HTR1E: variants seen among roughly 807,000 people sequenced by gnomAD.
HTR1E encodes the protein 5-hydroxytryptamine receptor 1E, also known as 5-HT-1E.
Under a neutral mutation model 3.4 loss-of-function variants are expected in HTR1E, and 3 were observed. The observed-to-expected ratio is 0.89, with a 90% CI of 0.41 to 2.31. The LOEUF is 2.31. Among genes scored for constraint, HTR1E ranks in the 30% most tolerant of loss-of-function variants. The probability of loss-of-function intolerance (pLI) is 0.05; values close to 1 mark genes in which losing one functional copy is unlikely to be tolerated. For synonymous variants in HTR1E, 170 were observed against 182.8 expected, an observed-to-expected ratio of 0.93 and a Z score of 0.56; for missense variants, 392 against 467.0, an observed-to-expected ratio of 0.84 and a Z score of 1.48.
chr6:86,949,642 A>T (rs948157047), intron 1 of HTR1E, among the ~76,000 whole-genome samples: 24 of 152,172 alleles, frequency 1.6e-4, no homozygotes, highest in African/African-American at 5.5e-4. Context: ...TACTAGCAAT[A>T]ACCAGATGCT....
At chr6:86,976,768 G>A (rs1767645035) in intron 1 of HTR1E, among the ~76,000 whole-genome samples, 1 of 152,178 alleles carries the variant, frequency 6.6e-6, no homozygotes. Context: ...CTTGTCTAAT[G>A]CTAGGATCTT....
chr6:86,974,763 G>A (rs1767606169), intron 1 of HTR1E, among the ~76,000 whole-genome samples: 2 of 152,082 alleles, frequency 1.3e-5, no homozygotes, highest in South Asian at 4.1e-4. Flanking sequence ...TCTTTTGTCA[G>A]TATGGACTCA....
chr6:86,946,535 A>T (rs545576587), intron 1 of HTR1E, among the ~76,000 whole-genome samples: 2 of 152,238 alleles, frequency 1.3e-5, no homozygotes, highest in South Asian at 4.1e-4. Flanking sequence ...TGTATGATGC[A>T]TGGCTATATA....
At chr6:86,967,199 G>A (rs1767483084) in intron 1 of HTR1E, among the ~76,000 whole-genome samples, 1 of 151,856 alleles carries the variant, frequency 6.6e-6, no homozygotes, top group African/African-American at 2.4e-5. Flanking sequence ...AAAAGCAAAG[G>A]CAAGGGAAAA....
intron 1 of HTR1E, among the ~76,000 whole-genome samples, chr6:87,002,208 G>T (rs1007482488): frequency 6.6e-6 from 1 of 152,186 alleles, no homozygotes; most frequent in Non-Finnish European, 1.5e-5. Flanking sequence ...AAGATGGTGT[G>T]TCCGGAGTTT....
chr6:86,947,059 T>C (rs545560583), intron 1 of HTR1E, among the ~76,000 whole-genome samples: 20 of 151,900 alleles, frequency 1.3e-4, no homozygotes, highest in Admixed American at 4.6e-4. Flanking sequence ...GAGGTTGTGG[T>C]GAGCCGAGAT....
At chr6:86,991,842 G>A (rs1335645145) in intron 1 of HTR1E, among the ~76,000 whole-genome samples, 2 of 152,140 alleles carry the variant, frequency 1.3e-5, no homozygotes, top group Non-Finnish European at 2.9e-5. Flanking sequence ...GACTCCAGTT[G>A]CAAACATATG....
At chr6:87,013,676 G>T (rs1378142954) in intron 1 of HTR1E, among the ~76,000 whole-genome samples, 1 of 151,418 alleles carries the variant, frequency 6.6e-6, no homozygotes, top group Admixed American at 6.6e-5. Context: ...GTAAAAAAAA[G>T]CCTTTTTATA....
rs1005100613 is a variant in HTR1E, at chr6:86,951,984, T to C, written c.-186+14161T>C. On this transcript the variant is annotated intron_variant, in intron 1 of 1. Transcript: ENST00000305344. ...CATAATAACTGCTTCCTCACTGATG[T>C]GAACTTTCCTTAGTTGACACTCTCT... Among the ~76,000 whole-genome samples the C allele has an allele frequency of 3.9e-5, 6 of 152,326 alleles. No individual in the cohort carries two copies. The South Asian group carries it at 8.3e-4, about 21-fold the overall frequency.
intron 1 of HTR1E, among the ~76,000 whole-genome samples, chr6:86,981,020 G>T (rs747287360): frequency 6.6e-6 from 1 of 152,190 alleles, no homozygotes; most frequent in East Asian, 1.9e-4. Flanking sequence ...TGGTGCAGTG[G>T]AAAGAGTTCT....
intron 1 of HTR1E, among the ~76,000 whole-genome samples, chr6:86,987,185 T>C (rs1298086450): frequency 1.6e-4 from 24 of 152,284 alleles, no homozygotes; most frequent in Non-Finnish European, 5.9e-5. Flanking sequence ...CCATGTGCAA[T>C]CTTAGCCCAA....
chr6:86,998,247 T>C (rs1422963660), intron 1 of HTR1E, among the ~76,000 whole-genome samples: 1 of 152,034 alleles, frequency 6.6e-6, no homozygotes, highest in Admixed American at 6.6e-5. Context: ...AATTATCTTA[T>C]AGAACATTGT....
In HTR1E at chr6:87,015,975, A is replaced by C. The variant is rs1180285561; in HGVS notation, c.641A>C (p.Gln214Pro). 1.9e-6 allele frequency: 3 copies of C among 1,614,230 alleles called. No individual in the cohort carries two copies. Among genetic ancestry groups the C allele is most frequent in the East Asian group, 4.5e-5 (2 of 44,884 alleles). Residue 214 changes from glutamine (Q) to proline (P), a missense_variant, in exon 2 of 2, where the codon CAG (glutamine) becomes CCG (proline). Around this residue, in one of 3 missense-constraint regions of HTR1E, gnomAD observed 178 missense variants for 164.9 expected, o/e 1.08. Transcript: ENST00000305344. ...RIYHAAKSLY[Q>P]KRGSSRHLSN... ...TACCACGCGGCCAAGAGCCTTTACC[A>C]GAAAAGGGGATCAAGTCGGCACTTA...
At chr6:86,981,925 T>G (rs116799222) in intron 1 of HTR1E, among the ~76,000 whole-genome samples, 24 of 152,280 alleles carry the variant, frequency 1.6e-4, no homozygotes, top group Admixed American at 1.5e-3. Flanking sequence ...TCTCAAACAC[T>G]TCCATTGGTT....
At chr6:87,012,864 C>T (rs1768258445) in intron 1 of HTR1E, among the ~76,000 whole-genome samples, 1 of 152,208 alleles carries the variant, frequency 6.6e-6, no homozygotes, top group African/African-American at 2.4e-5. Flanking sequence ...CTTAGGATTA[C>T]ACTGCAGCTG....
At chr6:86,942,501 G>A (rs951908557) in intron 1 of HTR1E, among the ~76,000 whole-genome samples, 1 of 152,094 alleles carries the variant, frequency 6.6e-6, no homozygotes, top group African/African-American at 2.4e-5. Context: ...AACATTCAAA[G>A]AAAGAAGCAT....
intron 1 of HTR1E, among the ~76,000 whole-genome samples, chr6:86,944,380 T>C (rs1202230714): frequency 6.6e-6 from 1 of 152,226 alleles, no homozygotes; most frequent in Non-Finnish European, 1.5e-5. Context: ...AGAAGCTGTT[T>C]GATAAAGACT....
intron 1 of HTR1E, among the ~76,000 whole-genome samples, chr6:86,968,415 G>A (rs534386360): frequency 6.6e-6 from 1 of 152,250 alleles, no homozygotes; most frequent in Non-Finnish European, 1.5e-5. Context: ...ATGTATACTG[G>A]CTGCAATTCC....
At chr6:87,006,919 C>T (rs140622684) in intron 1 of HTR1E, among the ~76,000 whole-genome samples, 2 of 151,916 alleles carry the variant, frequency 1.3e-5, no homozygotes, top group Admixed American at 6.6e-5. Context: ...CTGGGGCCTG[C>T]GGGGGGAGTG....
Sources: allele counts gnomAD v4.1 joint callset (sites outside exome capture counted in the v4.1 genomes callset), GRCh38; gene constraint gnomAD v4.1.1; regional missense constraint gnomAD v4.1.1; transcripts MANE v1.5; gene names NCBI Gene and HGNC (gene_info 2026-07-23, HGNC 2026-07-21).